CPQ: variants seen among roughly 807,000 people sequenced by gnomAD.
CPQ encodes carboxypeptidase Q.
CPQ carries 37 observed loss-of-function variants against 45.7 expected under a neutral mutation model. That is an observed-to-expected ratio of 0.81 (90% CI 0.62 to 1.07). The LOEUF is 1.07. Among genes scored for constraint, CPQ ranks in the 50% least tolerant of loss-of-function variants. The pLI is 0.00. For missense variants in CPQ, 537 were observed against 572.9 expected (o/e 0.94, Z 0.64); for synonymous variants, 186 against 205.8 (o/e 0.90, Z 0.82).
chr8:96,819,568 T>A (rs189524637), intron 2 of CPQ, among the ~76,000 whole-genome samples: 113 of 152,228 alleles, frequency 7.4e-4, no homozygotes, highest in Non-Finnish European at 1.4e-3. Context: ...AGCATCATTG[T>A]GGTGGAGAAG....
At chr8:96,930,537 T>C (rs1812959770) in intron 4 of CPQ, among the ~76,000 whole-genome samples, 1 of 152,196 alleles carries the variant, frequency 6.6e-6, no homozygotes. Context: ...ATGATTTTTT[T>C]TGGAGATTTT....
chr8:97,016,397 G>T (rs1424796477), intron 5 of CPQ, among the ~76,000 whole-genome samples: 1 of 152,180 alleles, frequency 6.6e-6, no homozygotes. Flanking sequence ...TTTCTAAACT[G>T]AGTAGGCAAT....
chr8:96,650,547 C>T (rs1815566062), intron 1 of CPQ, among the ~76,000 whole-genome samples: 1 of 152,210 alleles, frequency 6.6e-6, no homozygotes. Context: ...GCTCAGATCC[C>T]ATGGCTGGCA....
intron 1 of CPQ, among the ~76,000 whole-genome samples, chr8:96,774,494 A>T (rs564375769): frequency 1.3e-5 from 2 of 151,554 alleles, no homozygotes; most frequent in African/African-American, 4.9e-5. Flanking sequence ...AATGTGTCAC[A>T]TGAGTGATAA....
chr8:96,976,483 A>T (rs762471379), intron 5 of CPQ, among the ~76,000 whole-genome samples: 17 of 151,906 alleles, frequency 1.1e-4, no homozygotes, highest in Non-Finnish European at 1.5e-5. Flanking sequence ...TCATTCTTCA[A>T]GAAGTAGAAA....
intron 2 of CPQ, among the ~76,000 whole-genome samples, chr8:96,804,362 G>T (rs1003677031): frequency 1.3e-5 from 2 of 152,220 alleles, no homozygotes; most frequent in Middle Eastern, 3.4e-3. Context: ...ATTTAATCTG[G>T]TATCTTTTAG....
At chr8:96,664,513 A>AT (rs1808894599) in intron 1 of CPQ, among the ~76,000 whole-genome samples, 1 of 152,212 alleles carries the variant, frequency 6.6e-6, no homozygotes, top group African/African-American at 2.4e-5. Context: ...CTGAAGATAA[A>AT]TATAAGGGTT....
intron 2 of CPQ, among the ~76,000 whole-genome samples, chr8:96,787,153 C>T (rs561782868): frequency 6.6e-6 from 1 of 152,076 alleles, no homozygotes; most frequent in African/African-American, 2.4e-5. Flanking sequence ...GTATGTATAT[C>T]TTTACTCTCA....
chr8:96,738,408 T>G (rs933656447), intron 1 of CPQ, among the ~76,000 whole-genome samples: 3 of 150,584 alleles, frequency 2.0e-5, no homozygotes, highest in Non-Finnish European at 4.4e-5. Context: ...ATGTAAATTG[T>G]TTTTTTTTCC....
At chr8:97,082,510 G>T (rs1810967680) in intron 7 of CPQ, among the ~76,000 whole-genome samples, 1 of 152,112 alleles carries the variant, frequency 6.6e-6, no homozygotes, top group Admixed American at 6.6e-5. Flanking sequence ...TAAAACTCCT[G>T]CCATTCTAGG....
At chr8:96,711,914 G>A (rs1248569697) in intron 1 of CPQ, among the ~76,000 whole-genome samples, 1 of 152,016 alleles carries the variant, frequency 6.6e-6, no homozygotes, top group Non-Finnish European at 1.5e-5. Flanking sequence ...CAAGTCCAAA[G>A]TCTCATCTGA....
At chr8:96,792,180 T>C (rs1008167046) in intron 2 of CPQ, among the ~76,000 whole-genome samples, 2 of 152,306 alleles carry the variant, frequency 1.3e-5, no homozygotes, top group South Asian at 4.1e-4. Flanking sequence ...AAGGCAGATA[T>C]ACAAGCAGGC....
At chr8:97,080,701 T>C (rs1376072876) in intron 7 of CPQ, among the ~76,000 whole-genome samples, 2 of 152,210 alleles carry the variant, frequency 1.3e-5, no homozygotes, top group African/African-American at 4.8e-5. Flanking sequence ...TTTATAAGAA[T>C]GTATGAGATT....
intron 6 of CPQ, among the ~76,000 whole-genome samples, chr8:97,044,322 C>T (rs548612284): frequency 6.6e-6 from 1 of 152,310 alleles, no homozygotes; most frequent in South Asian, 2.1e-4. Context: ...TGAGCCTTGG[C>T]TTTCAGCTCC....
At chr8:96,936,914 T>C (rs1451979920) in intron 4 of CPQ, among the ~76,000 whole-genome samples, 1 of 152,158 alleles carries the variant, frequency 6.6e-6, no homozygotes, top group Non-Finnish European at 1.5e-5. Flanking sequence ...CAGGGTCATT[T>C]ATTTTGTATT....
intron 7 of CPQ, among the ~76,000 whole-genome samples, chr8:97,086,448 A>G (rs1483301780): frequency 6.6e-6 from 1 of 152,188 alleles, no homozygotes; most frequent in African/African-American, 2.4e-5. Context: ...GGTTACCTAA[A>G]TGGTACAAGG....
At chr8:96,965,442 T>C (rs1813539543) in intron 4 of CPQ, among the ~76,000 whole-genome samples, 1 of 146,248 alleles carries the variant, frequency 6.8e-6, no homozygotes. Flanking sequence ...CAATCTCAGC[T>C]CACTGCAAGC....
chr8:96,780,023 G>T (rs1428684733), intron 1 of CPQ, among the ~76,000 whole-genome samples: 5 of 152,110 alleles, frequency 3.3e-5, no homozygotes, highest in African/African-American at 9.7e-5. Flanking sequence ...AGGAGGCAAG[G>T]CCAGTACTCT....
intron 7 of CPQ, among the ~76,000 whole-genome samples, chr8:97,070,154 C>G (rs2130535573): frequency 6.6e-6 from 1 of 152,328 alleles, no homozygotes; most frequent in East Asian, 1.9e-4. Flanking sequence ...ATGTCCACCT[C>G]CTTCCATATT....
Sources: gnomAD v4.1 joint callset for allele counts (sites outside exome capture counted in the v4.1 genomes callset) on GRCh38, gnomAD v4.1.1 for gene constraint, MANE v1.5 for transcripts, NCBI Gene and HGNC (gene_info 2026-07-23, HGNC 2026-07-21) for gene names.